Variants in PLA2G4A observed in about 807,000 individuals in gnomAD.
PLA2G4A encodes the protein cytosolic phospholipase A2.
PLA2G4A carries 40 observed loss-of-function variants against 81.9 expected under a neutral mutation model. The observed-to-expected ratio is 0.49, with a 90% CI of 0.38 to 0.64. PLA2G4A has a LOEUF of 0.64. PLA2G4A is among the 30% of genes least tolerant of loss of function. The pLI, the probability that PLA2G4A is intolerant of heterozygous loss-of-function variation, is 0.00. For missense variants in PLA2G4A, 715 were observed against 905.1 expected, an observed-to-expected ratio of 0.79 and a Z score of 2.69; for synonymous variants, 302 against 296.9, an observed-to-expected ratio of 1.02 and a Z score of -0.18.
At chr1:186,910,095 C>A (rs1369590080) in intron 6 of PLA2G4A, among the ~76,000 whole-genome samples, 1 of 151,838 alleles carries the variant, frequency 6.6e-6, no homozygotes, top group Admixed American at 6.6e-5. Flanking sequence ...GTTATTAATT[C>A]TGCTTTCTCT....
At chr1:186,904,940 C>T (rs1281556333) in intron 5 of PLA2G4A, among the ~76,000 whole-genome samples, 7 of 152,026 alleles carry the variant, frequency 4.6e-5, no homozygotes, top group South Asian at 2.1e-4. Flanking sequence ...CTGCAACCTC[C>T]GCCTGCTGGG....
intron 2 of PLA2G4A, among the ~76,000 whole-genome samples, chr1:186,865,243 GT>G (rs1652983256): frequency 6.6e-6 from 1 of 151,706 alleles, no homozygotes; most frequent in South Asian, 2.1e-4. Context: ...AACAAATTAT[GT>G]TCCAAATTAG....
intron 6 of PLA2G4A, among the ~76,000 whole-genome samples, chr1:186,907,365 A>G (rs1654775991): frequency 6.6e-6 from 1 of 152,192 alleles, no homozygotes; most frequent in African/African-American, 2.4e-5. Flanking sequence ...GTAGATATTC[A>G]AAAACATAGA....
chr1:186,907,023 G>T, intron 6 of PLA2G4A, 21 bp downstream of exon 6: 2 of 1,319,488 alleles, frequency 1.5e-6, no homozygotes, highest in South Asian at 1.2e-5. Context: ...TTATTTAGTT[G>T]GATGAGAAAT....
chr1:186,937,910 C>T (rs1301487257), intron 8 of PLA2G4A, among the ~76,000 whole-genome samples: 2 of 152,012 alleles, frequency 1.3e-5, no homozygotes, highest in African/African-American at 2.4e-5. Context: ...AATTAACCAA[C>T]ACAGTGCCCA....
At chr1:186,962,041 G>GC (rs1656964002) in intron 14 of PLA2G4A, among the ~76,000 whole-genome samples, 1 of 152,114 alleles carries the variant, frequency 6.6e-6, no homozygotes, top group African/African-American at 2.4e-5. Context: ...TATGCTACCT[G>GC]CCCGTTAGTG....
chr1:186,875,922 T>C (rs1203319407), intron 3 of PLA2G4A, among the ~76,000 whole-genome samples: 1 of 152,182 alleles, frequency 6.6e-6, no homozygotes, highest in Admixed American at 6.6e-5. Context: ...ACTTTCACCT[T>C]TCACACATTG....
chr1:186,876,186 T>C (rs1443305059), intron 3 of PLA2G4A, among the ~76,000 whole-genome samples: 2 of 152,270 alleles, frequency 1.3e-5, no homozygotes, highest in East Asian at 3.9e-4. Context: ...ATTTATAAGA[T>C]TCGCGAAATA....
At chr1:186,973,694 A>G (rs1165450585) in intron 15 of PLA2G4A, among the ~76,000 whole-genome samples, 1 of 152,198 alleles carries the variant, frequency 6.6e-6, no homozygotes, top group Non-Finnish European at 1.5e-5. Flanking sequence ...TAAACTCTAT[A>G]CAACATTAGA....
chr1:186,851,264 G>A (rs972201890), intron 1 of PLA2G4A, among the ~76,000 whole-genome samples: 2 of 152,064 alleles, frequency 1.3e-5, no homozygotes, highest in Non-Finnish European at 2.9e-5. Flanking sequence ...TGGAGAGGGA[G>A]GACATAAGCT....
At position 186,895,578 on chromosome 1, in the gene PLA2G4A, G is replaced by A. The variant is rs369013622; in HGVS notation, c.378+1367G>A. On this transcript the variant is annotated intron_variant, in intron 5 of 17. Transcript: ENST00000367466. The stretch of plus-strand genomic sequence containing the variant: ...CTCAATTATCTCCCTCTGGGAAGGA[G>A]GTGAGTAAAGGTTGAAATGAGAAGT... Among the ~76,000 whole-genome samples the A allele has an allele frequency of 7.9e-4, 121 of 152,308 alleles. 2 individuals are homozygous for A. The highest frequency in any genetic ancestry group is 2.9e-3 in the African/African-American group (119 of 41,576).
intron 1 of PLA2G4A, among the ~76,000 whole-genome samples, chr1:186,839,512 A>G (rs1354932545): frequency 6.6e-6 from 1 of 152,200 alleles, no homozygotes; most frequent in Non-Finnish European, 1.5e-5. Flanking sequence ...CAAAGAACCC[A>G]TTGAGGCATT....
At chr1:186,894,357 A>C (rs536551351) in intron 5 of PLA2G4A, 146 bp downstream of exon 5, 27 of 629,230 alleles carry the variant, frequency 4.3e-5, no homozygotes, top group Non-Finnish European at 6.8e-5. Context: ...TTTTCTTTTT[A>C]CTTTTTGTCC....
chr1:186,837,565 TAAA>T (rs199536345), intron 1 of PLA2G4A, among the ~76,000 whole-genome samples: 1 of 138,650 alleles, frequency 7.2e-6, no homozygotes. Flanking sequence ...CCATCTGTAC[TAAA>T]AAAAAAAAAA....
intron 8 of PLA2G4A, among the ~76,000 whole-genome samples, chr1:186,936,615 T>C (rs1282448204): frequency 6.6e-6 from 1 of 151,990 alleles, no homozygotes; most frequent in Non-Finnish European, 1.5e-5. Flanking sequence ...ATTCTAAATG[T>C]TTAACCCTAA....
rs192132629 is a variant in PLA2G4A, at chr1:186,983,667, A to T, written c.2118+4195A>T. Among the ~76,000 whole-genome samples, 6 of 149,018 alleles carry T rather than the reference A, an allele frequency of 4.0e-5. No individual in the cohort carries two copies. In the East Asian group the frequency reaches 1.2e-3, roughly 30 times the overall value. The stretch of plus-strand genomic sequence containing the variant: ...TTCCTTTTCACTGAACATTGTCTCA[A>T]TGCTTGTACAATTACAGTAGTATTT... On this transcript the variant is annotated intron_variant, in intron 17 of 17. Transcript: ENST00000367466.
In PLA2G4A at chr1:186,988,549, A is replaced by C; in HGVS notation, c.*41A>C. 6.3e-7 allele frequency: 1 copy of C among 1,587,990 alleles called. No homozygotes were observed. Among genetic ancestry groups the C allele is most frequent in the Non-Finnish European group, 8.6e-7 (1 of 1,159,344 alleles). ...TGGCAGCAGTTTCTGATGCTGAGGC[A>C]GTTTGCAATCCCATGACAACTGGAT... On this transcript the variant is annotated 3_prime_UTR_variant, in exon 18 of 18. Transcript: ENST00000367466.
At chr1:186,885,150 C>G (rs772465266) in intron 3 of PLA2G4A, among the ~76,000 whole-genome samples, 2 of 152,088 alleles carry the variant, frequency 1.3e-5, no homozygotes, top group Non-Finnish European at 2.9e-5. Context: ...AAGAAGTATG[C>G]CTGACAGCCA....
chr1:186,884,109 G>A (rs927837080), intron 3 of PLA2G4A, among the ~76,000 whole-genome samples: 1 of 152,098 alleles, frequency 6.6e-6, no homozygotes, highest in African/African-American at 2.4e-5. Flanking sequence ...GAGAGAAGCG[G>A]TATTGAGAGA....
Sources: gnomAD v4.1 joint callset for allele counts (sites outside exome capture counted in the v4.1 genomes callset) on GRCh38, gnomAD v4.1.1 for gene constraint, MANE v1.5 for transcripts, NCBI Gene and HGNC (gene_info 2026-07-23, HGNC 2026-07-21) for gene names.